Variants in ZFAND6 observed in about 807,000 individuals in gnomAD.
ZFAND6 encodes the protein AN1-type zinc finger protein 6.
ZFAND6 carries 12 observed loss-of-function variants against 24.5 expected under a neutral mutation model. The ratio of observed to expected loss-of-function variants is 0.49; its 90% CI spans 0.31 to 0.79. ZFAND6 has a LOEUF of 0.79. ZFAND6 is among the 30% of genes least tolerant of loss of function. The pLI, the probability that ZFAND6 is intolerant of heterozygous loss-of-function variation, is 0.04. For synonymous variants in ZFAND6, 92 were observed against 81.5 expected (o/e 1.13, Z -0.69); for missense variants, 207 against 245.9 (o/e 0.84, Z 1.06).
At chr15:80,083,093 G>A (rs1246774598) in intron 1 of ZFAND6, among the ~76,000 whole-genome samples, 2 of 152,238 alleles carry the variant, frequency 1.3e-5, no homozygotes, top group East Asian at 1.9e-4. Flanking sequence ...CTGGGTTCAC[G>A]CCATTCTCCT....
chr15:80,064,244 T>G (rs943107347), intron 1 of ZFAND6, among the ~76,000 whole-genome samples: 5 of 152,204 alleles, frequency 3.3e-5, no homozygotes, highest in African/African-American at 1.2e-4. Flanking sequence ...AGTCTTTTCA[T>G]AAATATTGCC....
intron 2 of ZFAND6, among the ~76,000 whole-genome samples, chr15:80,105,932 G>A (rs960379214): frequency 5.0e-4 from 76 of 152,140 alleles, no homozygotes; most frequent in Non-Finnish European, 1.6e-4. Context: ...AAACTTTGTG[G>A]TTTTGATACT....
At chr15:80,060,818 G>C (rs892907459) in intron 1 of ZFAND6, 4 of 152,344 alleles carry the variant, frequency 2.6e-5, no homozygotes, top group African/African-American at 9.6e-5. Context: ...GCTACTGGGA[G>C]GCTGAGGCAG....
At chr15:80,096,494 A>G (rs572420366) in intron 1 of ZFAND6, among the ~76,000 whole-genome samples, 145 of 152,374 alleles carry the variant, frequency 9.5e-4, no homozygotes, top group African/African-American at 3.3e-3. Context: ...CATATGTACC[A>G]TATAAGTCGA....
rs1289581532 is a variant in ZFAND6, at chr15:80,137,535, A to G, written c.534A>G (p.Val178=). The change falls in exon 7 of 7, where the codon GTA becomes GTG. Residue 178 remains valine (V), a synonymous_variant. Transcript: ENST00000261749. ...VYCGVHRYSD[V]HNCSYNYKAD... ...GTGGTGTACACCGTTACTCAGATGT[A>G]CACAATTGCTCTTACAATTACAAAG... 7 of 1,607,734 alleles carry G rather than the reference A, an allele frequency of 4.4e-6. No homozygotes were observed. The African/African-American group carries it at 5.4e-5, about 12-fold the overall frequency.
intron 6 of ZFAND6, among the ~76,000 whole-genome samples, chr15:80,136,595 A>G (rs1385781392): frequency 6.6e-6 from 1 of 152,176 alleles, no homozygotes; most frequent in Non-Finnish European, 1.5e-5. Flanking sequence ...TTCATTTTTC[A>G]TTCATTATTA....
chr15:80,107,937 G>T lies in ZFAND6; in HGVS notation c.-18+9359G>T, dbSNP rs149589492. Among the ~76,000 whole-genome samples, 369 of 152,254 alleles carry T rather than the reference G, an allele frequency of 2.4e-3. 3 individuals carry two copies. Among genetic ancestry groups the T allele is most frequent in the African/African-American group, 8.3e-3 (345 of 41,548 alleles). ...AGAATCCCCAGGAGTCCACAGATAC[G>T]CTTTGGGAACTACTGATTTAGAGTG... On this transcript the variant is annotated intron_variant, in intron 2 of 6. Coordinates refer to ENST00000261749, the MANE Select transcript of ZFAND6 (RefSeq NM_019006.4).
At position 80,066,559 on chromosome 15, in the gene ZFAND6, C is replaced by T. The variant is rs575790988; in HGVS notation, c.-181+6750C>T. Among the ~76,000 whole-genome samples, 1,040 of 152,136 alleles carry T rather than the reference C, an allele frequency of 6.8e-3. 14 individuals are homozygous for T. The highest frequency in any genetic ancestry group is 0.023 in the African/African-American group (965 of 41,520). On this transcript the variant is annotated intron_variant, in intron 1 of 6. Coordinates refer to ENST00000261749, the MANE Select transcript of ZFAND6 (RefSeq NM_019006.4). ...AATTCCTGACCTCAGGTGATCCACCCGCCTCAGCCTCCCAAAGTGCTGGGA... is the reference window on the plus strand; with the variant it reads ...AATTCCTGACCTCAGGTGATCCACCTGCCTCAGCCTCCCAAAGTGCTGGGA...
chr15:80,079,164 A>T (rs1249477349), intron 1 of ZFAND6, among the ~76,000 whole-genome samples: 3 of 151,808 alleles, frequency 2.0e-5, no homozygotes, highest in Admixed American at 6.6e-5. Context: ...CCTTTGTCAG[A>T]GGTGCAGTTT....
intron 1 of ZFAND6, among the ~76,000 whole-genome samples, chr15:80,067,219 A>T (rs996840299): frequency 6.6e-6 from 1 of 152,050 alleles, no homozygotes; most frequent in Non-Finnish European, 1.5e-5. Context: ...GGCTGCTTCC[A>T]CCCCTCCTGC....
intron 6 of ZFAND6, among the ~76,000 whole-genome samples, chr15:80,132,306 A>C (rs560684040): frequency 6.6e-6 from 1 of 152,326 alleles, no homozygotes; most frequent in East Asian, 1.9e-4. Context: ...TGAATGTGTA[A>C]AACATGTGTA....
chr15:80,132,715 G>A (rs2040663613), intron 6 of ZFAND6, among the ~76,000 whole-genome samples: 1 of 152,106 alleles, frequency 6.6e-6, no homozygotes, highest in South Asian at 2.1e-4. Context: ...ATGCAATACT[G>A]TAAACTTTGA....
chr15:80,067,424 G>A (rs1181623220), intron 1 of ZFAND6, among the ~76,000 whole-genome samples: 1 of 152,052 alleles, frequency 6.6e-6, no homozygotes, highest in East Asian at 1.9e-4. Context: ...AAATAGGTTA[G>A]GTCTTTCTCT....
At chr15:80,109,371 A>C (rs1004330096) in intron 2 of ZFAND6, among the ~76,000 whole-genome samples, 1 of 152,230 alleles carries the variant, frequency 6.6e-6, no homozygotes, top group Non-Finnish European at 1.5e-5. Flanking sequence ...GTTGAAGAAA[A>C]ATAAAACCGG....
At chr15:80,088,061 T>C (rs2038112881) in intron 1 of ZFAND6, among the ~76,000 whole-genome samples, 1 of 152,210 alleles carries the variant, frequency 6.6e-6, no homozygotes, top group South Asian at 2.1e-4. Flanking sequence ...AATTTTAACT[T>C]TTATGCAATA....
chr15:80,111,023 CATA>C (rs2039581036), intron 2 of ZFAND6, among the ~76,000 whole-genome samples: 1 of 152,146 alleles, frequency 6.6e-6, no homozygotes, highest in Non-Finnish European at 1.5e-5. Context: ...GGAAAGAAAA[CATA>C]GTAGGCAGAT....
intron 1 of ZFAND6, among the ~76,000 whole-genome samples, chr15:80,071,700 C>G (rs2036987908): frequency 6.6e-6 from 1 of 150,800 alleles, no homozygotes; most frequent in Non-Finnish European, 1.5e-5. Flanking sequence ...TTTAGGGTGC[C>G]CATGCCACTT....
intron 1 of ZFAND6, among the ~76,000 whole-genome samples, chr15:80,073,913 C>G (rs954257712): frequency 2.0e-5 from 3 of 151,798 alleles, no homozygotes; most frequent in African/African-American, 7.2e-5. Context: ...GTTGAACACA[C>G]CTGTGTGTAG....
At chr15:80,061,706 T>C (rs1320806455) in intron 1 of ZFAND6, among the ~76,000 whole-genome samples, 1 of 152,240 alleles carries the variant, frequency 6.6e-6, no homozygotes, top group Non-Finnish European at 1.5e-5. Flanking sequence ...ACCGTGTTTT[T>C]ATTGTTTTTT....
Sources: gnomAD v4.1 joint callset for allele counts (sites outside exome capture counted in the v4.1 genomes callset) on GRCh38, gnomAD v4.1.1 for gene constraint, MANE v1.5 for transcripts, NCBI Gene and HGNC (gene_info 2026-07-23, HGNC 2026-07-21) for gene names.